GRIK1: variants seen among roughly 807,000 people sequenced by gnomAD.
GRIK1 encodes glutamate receptor ionotropic, kainate 1.
A neutral mutation model predicts 105.7 loss-of-function variants in GRIK1; 69 were observed. The observed-to-expected ratio is 0.65, with a 90% CI of 0.54 to 0.80. GRIK1 has a LOEUF of 0.80. GRIK1 is among the 30% of genes least tolerant of loss of function. The pLI is 0.00. For missense variants in GRIK1, 1,109 were observed against 1,167.3 expected (o/e 0.95, Z 0.73); for synonymous variants, 438 against 431.3 (o/e 1.02, Z -0.19).
At chr21:29,623,831 C>G (rs1804010087) in intron 7 of GRIK1, among the ~76,000 whole-genome samples, 1 of 152,150 alleles carries the variant, frequency 6.6e-6, no homozygotes, top group South Asian at 2.1e-4. Context: ...TGTGGATTCT[C>G]CAACTAAACA....
chr21:29,568,158 A>T (rs1269671303), intron 14 of GRIK1, among the ~76,000 whole-genome samples: 1 of 152,232 alleles, frequency 6.6e-6, no homozygotes, highest in African/African-American at 2.4e-5. Flanking sequence ...AATTGACCTC[A>T]TAGATTTCTT....
At chr21:29,698,751 A>G (rs1468858066) in intron 1 of GRIK1, among the ~76,000 whole-genome samples, 2 of 151,672 alleles carry the variant, frequency 1.3e-5, no homozygotes, top group Non-Finnish European at 2.9e-5. Context: ...CTTAATATCC[A>G]CCTCCCCAGC....
At chr21:29,867,305 A>G (rs1449879219) in intron 1 of GRIK1, among the ~76,000 whole-genome samples, 3 of 152,212 alleles carry the variant, frequency 2.0e-5, no homozygotes, top group Admixed American at 6.5e-5. Flanking sequence ...AGATGAATAA[A>G]GAAAACATAA....
At chr21:29,728,684 T>G (rs1235045977) in intron 1 of GRIK1, among the ~76,000 whole-genome samples, 6 of 152,190 alleles carry the variant, frequency 3.9e-5, no homozygotes, top group Non-Finnish European at 1.5e-5. Flanking sequence ...CACCATGTGC[T>G]AGGCACTGCT....
intron 13 of GRIK1, among the ~76,000 whole-genome samples, chr21:29,580,194 A>G (rs1401481864): frequency 1.3e-5 from 2 of 149,632 alleles, no homozygotes; most frequent in Non-Finnish European, 3.0e-5. Context: ...TTCTAATGTC[A>G]GAGAAGACAA....
intron 2 of GRIK1, among the ~76,000 whole-genome samples, chr21:29,692,442 A>G (rs1296604132): frequency 6.6e-6 from 1 of 152,230 alleles, no homozygotes; most frequent in African/African-American, 2.4e-5. Flanking sequence ...AATGCTGTAT[A>G]AGTATATAGT....
At chr21:29,777,515 A>G (rs189192941) in intron 1 of GRIK1, among the ~76,000 whole-genome samples, 2 of 152,210 alleles carry the variant, frequency 1.3e-5, no homozygotes, top group Non-Finnish European at 2.9e-5. Flanking sequence ...GGGTATGGAT[A>G]ACAGCATTGA....
At chr21:29,800,856 T>A (rs774224307) in intron 1 of GRIK1, among the ~76,000 whole-genome samples, 3 of 152,116 alleles carry the variant, frequency 2.0e-5, no homozygotes, top group Non-Finnish European at 4.4e-5. Context: ...AGAAAGAGGA[T>A]CCATGGTCTA....
intron 1 of GRIK1, among the ~76,000 whole-genome samples, chr21:29,857,527 A>G (rs1221866186): frequency 1.3e-5 from 2 of 152,236 alleles, no homozygotes; most frequent in Admixed American, 6.5e-5. Flanking sequence ...GAGTTAAAAC[A>G]CAATAGAAAC....
intron 15 of GRIK1, among the ~76,000 whole-genome samples, chr21:29,560,045 G>A (rs1011159555): frequency 5.3e-5 from 8 of 152,080 alleles, no homozygotes; most frequent in African/African-American, 1.9e-4. Context: ...GCATGATGTG[G>A]AGAGTCATAT....
chr21:29,540,094 C>T (rs181610497), intron 16 of GRIK1, among the ~76,000 whole-genome samples: 6 of 152,338 alleles, frequency 3.9e-5, no homozygotes, highest in Admixed American at 3.9e-4. Context: ...CTGACTGTGA[C>T]TTGACACACA....
intron 1 of GRIK1, among the ~76,000 whole-genome samples, chr21:29,870,251 G>GT (rs1190895378): frequency 6.6e-6 from 1 of 151,748 alleles, no homozygotes; most frequent in Non-Finnish European, 1.5e-5. Flanking sequence ...ACACATTTCT[G>GT]TTTTTTTAAT....
chr21:29,777,610 G>A (rs938282231), intron 1 of GRIK1, among the ~76,000 whole-genome samples: 2 of 152,204 alleles, frequency 1.3e-5, no homozygotes, highest in African/African-American at 2.4e-5. Context: ...CATAGGTGAG[G>A]TGGCAAGCAG....
At position 29,576,998 on chromosome 21, in the gene GRIK1, G is replaced by T; in HGVS notation, c.2096C>A (p.Ala699Glu). 1 of 1,611,214 alleles carries T rather than the reference G, an allele frequency of 6.2e-7. No individual in the cohort carries two copies. The change falls in exon 14 of 18, where the codon GCG becomes GAG. Residue 699 changes from alanine (A) to glutamate (E), a missense_variant. Ala to Glu is a moderately radical substitution (Grantham distance 107, BLOSUM62 -1). Coordinates refer to ENST00000327783, the MANE Select transcript of GRIK1 (RefSeq NM_001330994.2). ...LAKQTKIEYG[A>E]VRDGSTMTFF... ...GGTCATTGTTGATCCATCTCTAACC[G>T]CCCCATATTCTATCTTGGTTTGCTT...
chr21:29,904,698 A>C (rs2070542622), intron 1 of GRIK1, among the ~76,000 whole-genome samples: 1 of 152,112 alleles, frequency 6.6e-6, no homozygotes. Context: ...GGCCCTTCTG[A>C]ACTCCCCGGA....
chr21:29,719,862 T>A (rs2064277405), intron 1 of GRIK1, among the ~76,000 whole-genome samples: 1 of 152,180 alleles, frequency 6.6e-6, no homozygotes, highest in African/African-American at 2.4e-5. Context: ...CTCCCCTTTA[T>A]TAAAGGAAAA....
At chr21:29,538,060 T>TA (rs1201112852) in intron 16 of GRIK1, among the ~76,000 whole-genome samples, 176 bp from the exon 17 acceptor site, 2 of 152,158 alleles carry the variant, frequency 1.3e-5, no homozygotes, top group Non-Finnish European at 2.9e-5. Context: ...GAATTATGAT[T>TA]AAAAAATGTT....
chr21:29,922,519 T>A (rs1435210576), intron 1 of GRIK1, among the ~76,000 whole-genome samples: 1 of 152,132 alleles, frequency 6.6e-6, no homozygotes, highest in Non-Finnish European at 1.5e-5. Flanking sequence ...TTAACAGCAT[T>A]GGATGGACAC....
chr21:29,795,027 A>ATTT (rs1569102231), intron 1 of GRIK1, among the ~76,000 whole-genome samples: 5,090 of 81,484 alleles, frequency 0.062, 589 homozygotes, highest in African/African-American at 0.11. Context: ...CTTTGCTCTA[A>ATTT]ATTTTTTTTT....
Sources: gnomAD v4.1 joint callset for allele counts (sites outside exome capture counted in the v4.1 genomes callset) on GRCh38, gnomAD v4.1.1 for gene constraint, MANE v1.5 for transcripts, NCBI Gene and HGNC (gene_info 2026-07-23, HGNC 2026-07-21) for gene names.